The following DSCAML1 variants were observed in gnomAD, a reference collection of about 807,000 sequenced individuals.
DSCAML1 encodes cell adhesion molecule DSCAML1.
Under a neutral mutation model 200.5 loss-of-function variants are expected in DSCAML1, and 38 were observed. The ratio of observed to expected loss-of-function variants is 0.19; its 90% CI spans 0.15 to 0.25. The LOEUF (loss-of-function observed/expected upper bound fraction) is 0.25. Among genes scored for constraint, DSCAML1 ranks in the 10% least tolerant of loss-of-function variants. The pLI is 1.00. For synonymous variants in DSCAML1, 1,215 were observed against 1,165.0 expected (o/e 1.04, Z -0.87); for missense variants, 2,223 against 2,858.8 (o/e 0.78, Z 5.07).
intron 3 of DSCAML1, among the ~76,000 whole-genome samples, chr11:117,548,609 G>C (rs953811473): frequency 2.6e-5 from 4 of 152,164 alleles, no homozygotes; most frequent in Non-Finnish European, 4.4e-5. Flanking sequence ...TGGGATGCAG[G>C]CTTCTTAAAG....
chr11:117,690,561 A>C (rs751622191), intron 3 of DSCAML1, among the ~76,000 whole-genome samples: 1 of 152,200 alleles, frequency 6.6e-6, no homozygotes, highest in Non-Finnish European at 1.5e-5. Flanking sequence ...AGCTATCTGC[A>C]TTTATTTTAC....
intron 3 of DSCAML1, among the ~76,000 whole-genome samples, chr11:117,587,615 G>T (rs897234404): frequency 1.3e-5 from 2 of 152,136 alleles, no homozygotes; most frequent in Non-Finnish European, 2.9e-5. Context: ...TGGAGCCCCC[G>T]CTGCCTTGCA....
At chr11:117,785,571 G>A (rs555278281) in intron 1 of DSCAML1, among the ~76,000 whole-genome samples, 2 of 152,224 alleles carry the variant, frequency 1.3e-5, no homozygotes, top group African/African-American at 4.8e-5. Flanking sequence ...AGGCAGTGGG[G>A]GATATGTGGA....
intron 11 of DSCAML1, among the ~76,000 whole-genome samples, chr11:117,482,574 T>C (rs1013823971): frequency 4.6e-5 from 7 of 152,222 alleles, no homozygotes; most frequent in Non-Finnish European, 7.3e-5. Flanking sequence ...GTAGCTCGTA[T>C]AATTGCTGTC....
At chr11:117,725,839 AAAACAAAAC>A (rs1353011168) in intron 3 of DSCAML1, among the ~76,000 whole-genome samples, 7 of 145,964 alleles carry the variant, frequency 4.8e-5, no homozygotes, top group Non-Finnish European at 7.5e-5. Context: ...AAAACAAAAC[AAAACAAAAC>A]AAAAAGGTAG....
chr11:117,674,245 C>T (rs1024141557), intron 3 of DSCAML1, among the ~76,000 whole-genome samples: 2 of 152,184 alleles, frequency 1.3e-5, no homozygotes, highest in African/African-American at 4.8e-5. Context: ...GTGGATAGCA[C>T]CTGGGACATA....
intron 3 of DSCAML1, among the ~76,000 whole-genome samples, chr11:117,546,554 G>A (rs1293661280): frequency 5.3e-5 from 8 of 152,178 alleles, no homozygotes; most frequent in Non-Finnish European, 1.2e-4. Context: ...TTTTAAGTAG[G>A]TGGGAGGGGT....
At chr11:117,800,351 T>C (rs935313522), upstream of DSCAML1, among the ~76,000 whole-genome samples, 1 of 152,232 alleles carries the variant, frequency 6.6e-6, no homozygotes, top group African/African-American at 2.4e-5. Context: ...TTAGAGGGGC[T>C]ATATTTTGAT....
At position 117,443,991 on chromosome 11, in the gene DSCAML1, C is replaced by T; in HGVS notation, c.3757G>A (p.Ala1253Thr). Residue 1253 changes from alanine to threonine, a missense_variant, in exon 21 of 33, where the codon GCC becomes ACC. Physicochemically the swap from Ala to Thr is moderately conservative, Grantham distance 58. This residue lies in a region of DSCAML1 where 614 missense variants were observed against 739.1 expected (regional missense o/e 0.83). Transcript: ENST00000651296. ...TSPEQLFYRI[A>T]HLNRGQQYLL... ...TACTGCTGACCGCGGTTTAGGTGGG[C>T]GATCCGGTAGAAGAGCTGCTCTGGA... is the stretch of plus-strand genomic sequence containing the variant. 1 of 1,613,850 alleles carries T rather than the reference C, an allele frequency of 6.2e-7. No homozygotes were observed. Among genetic ancestry groups the T allele is most frequent in the Non-Finnish European group, 8.5e-7 (1 of 1,179,946 alleles).
At chr11:117,532,020 C>G (rs976173982) in intron 4 of DSCAML1, among the ~76,000 whole-genome samples, 3 of 151,570 alleles carry the variant, frequency 2.0e-5, no homozygotes, top group Non-Finnish European at 4.4e-5. Context: ...AGAATACTCA[C>G]AAGCACCTAG....
chr11:117,449,370 G>C (rs528742797), intron 20 of DSCAML1, among the ~76,000 whole-genome samples: 2 of 152,088 alleles, frequency 1.3e-5, no homozygotes, highest in Admixed American at 6.5e-5. Context: ...AGGATGGAGT[G>C]GGGGGCCGCA....
intron 3 of DSCAML1, among the ~76,000 whole-genome samples, chr11:117,649,645 C>G (rs1407519431): frequency 6.6e-6 from 1 of 152,204 alleles, no homozygotes; most frequent in African/African-American, 2.4e-5. Context: ...TACCAAACCC[C>G]TGTGAACTAA....
intron 21 of DSCAML1, 64 bp from the exon 22 acceptor site, chr11:117,440,000 C>A (rs2048010767): frequency 2.2e-6 from 3 of 1,378,786 alleles, no homozygotes; most frequent in Non-Finnish European, 3.1e-6. Flanking sequence ...TGGCCTCCTT[C>A]CTTAGGGCCC....
At chr11:117,598,148 C>T (rs1409406738) in intron 3 of DSCAML1, among the ~76,000 whole-genome samples, 5 of 152,188 alleles carry the variant, frequency 3.3e-5, no homozygotes, top group African/African-American at 1.2e-4. Flanking sequence ...CAGCTCTCCT[C>T]CCTCCCTTCT....
At chr11:117,811,322 A>C (rs1274891307) in intron 1 of DSCAML1, among the ~76,000 whole-genome samples, 1 of 152,138 alleles carries the variant, frequency 6.6e-6, no homozygotes, top group Admixed American at 6.5e-5. Context: ...TTTATTACCC[A>C]ATCTGCTCCC....
intron 3 of DSCAML1, among the ~76,000 whole-genome samples, chr11:117,715,397 C>T (rs1193675872): frequency 6.6e-6 from 1 of 152,208 alleles, no homozygotes; most frequent in Middle Eastern, 3.2e-3. Context: ...GTAGCCCAGT[C>T]TCTGTATAGA....
chr11:117,561,620 C>G (rs2137416025), intron 3 of DSCAML1, among the ~76,000 whole-genome samples: 1 of 152,312 alleles, frequency 6.6e-6, no homozygotes, highest in South Asian at 2.1e-4. Flanking sequence ...GTGCAGGTCC[C>G]TCTGCCTGTG....
At chr11:117,730,855 C>G (rs1318051474) in intron 3 of DSCAML1, among the ~76,000 whole-genome samples, 1 of 152,198 alleles carries the variant, frequency 6.6e-6, no homozygotes, top group African/African-American at 2.4e-5. Flanking sequence ...CATCCTGCAA[C>G]ACAGATGAAC....
intron 20 of DSCAML1, among the ~76,000 whole-genome samples, chr11:117,449,877 C>G (rs1048703156): frequency 6.6e-6 from 1 of 152,156 alleles, no homozygotes; most frequent in Non-Finnish European, 1.5e-5. Context: ...AGGTGCATAT[C>G]CCACTGCACC....
Sources: allele counts gnomAD v4.1 joint callset (sites outside exome capture counted in the v4.1 genomes callset), GRCh38; gene constraint gnomAD v4.1.1; regional missense constraint gnomAD v4.1.1; transcripts MANE v1.5; gene names NCBI Gene and HGNC (gene_info 2026-07-23, HGNC 2026-07-21).